Variants in NECAB1 observed in about 807,000 individuals in gnomAD.
NECAB1 encodes the protein N-terminal EF-hand calcium-binding protein 1.
Under a neutral mutation model 57.5 loss-of-function variants are expected in NECAB1, and 29 were observed. The observed-to-expected ratio is 0.50, with a 90% CI of 0.38 to 0.69. The LOEUF (loss-of-function observed/expected upper bound fraction) is 0.69. NECAB1 is among the 30% of genes least tolerant of loss of function. The pLI, the probability that NECAB1 is intolerant of heterozygous loss-of-function variation, is 0.00. For missense variants in NECAB1, 372 were observed against 413.8 expected (o/e 0.90, Z 0.88); for synonymous variants, 142 against 147.7 (o/e 0.96, Z 0.28).
chr8:90,832,765 C>T (rs1812314419), intron 3 of NECAB1, among the ~76,000 whole-genome samples: 2 of 152,042 alleles, frequency 1.3e-5, no homozygotes, highest in African/African-American at 4.8e-5. Context: ...AAATAACTTG[C>T]CCAAAGTTAC....
At chr8:90,884,684 T>C (rs1195872980) in intron 5 of NECAB1, among the ~76,000 whole-genome samples, 2 of 152,214 alleles carry the variant, frequency 1.3e-5, no homozygotes, top group African/African-American at 4.8e-5. Flanking sequence ...AAATTATCCT[T>C]GGACTTCAGA....
At chr8:90,854,069 G>C (rs13261725) in intron 3 of NECAB1, among the ~76,000 whole-genome samples, 42,656 of 151,772 alleles carry the variant, frequency 0.28, 6,965 homozygotes, top group East Asian at 0.73. Flanking sequence ...TATCTGGGAG[G>C]CCTGAAGATT....
chr8:90,887,464 C>G (rs947267338), intron 5 of NECAB1, among the ~76,000 whole-genome samples: 1 of 152,040 alleles, frequency 6.6e-6, no homozygotes, highest in South Asian at 2.1e-4. Context: ...AAAACATTAG[C>G]CTATTCTTAC....
chr8:90,904,610 T>A (rs1809590814), intron 5 of NECAB1, among the ~76,000 whole-genome samples: 1 of 151,608 alleles, frequency 6.6e-6, no homozygotes. Context: ...AGAAAAGAAG[T>A]TAAGAGACCT....
intron 3 of NECAB1, among the ~76,000 whole-genome samples, chr8:90,854,328 T>C (rs938445945): frequency 6.6e-6 from 1 of 152,172 alleles, no homozygotes; most frequent in African/African-American, 2.4e-5. Flanking sequence ...ATGTCTGTAA[T>C]TGAAGTACTC....
At chr8:90,819,390 A>C (rs1812107634) in intron 2 of NECAB1, among the ~76,000 whole-genome samples, 1 of 151,994 alleles carries the variant, frequency 6.6e-6, no homozygotes, top group South Asian at 2.1e-4. Context: ...GCCTGGCATG[A>C]TGTATCAGGT....
intron 7 of NECAB1, among the ~76,000 whole-genome samples, chr8:90,927,204 C>CTTTT (rs545020130): frequency 7.6e-6 from 1 of 131,132 alleles, no homozygotes; most frequent in African/African-American, 3.0e-5. Flanking sequence ...TTTTCTCTCT[C>CTTTT]TTTTTTTTTT....
At chr8:90,934,805 A>C (rs1178790358) in intron 9 of NECAB1, among the ~76,000 whole-genome samples, 1 of 152,134 alleles carries the variant, frequency 6.6e-6, no homozygotes, top group Non-Finnish European at 1.5e-5. Context: ...TCAAAGAATA[A>C]ATTGATGCAA....
At chr8:90,867,124 T>C (rs1336360795) in intron 3 of NECAB1, among the ~76,000 whole-genome samples, 2 of 152,216 alleles carry the variant, frequency 1.3e-5, no homozygotes, top group Non-Finnish European at 2.9e-5. Flanking sequence ...CAGAAACAGC[T>C]GAATAAAGGA....
intron 5 of NECAB1, among the ~76,000 whole-genome samples, chr8:90,902,463 A>C (rs1287433346): frequency 6.6e-6 from 1 of 152,188 alleles, no homozygotes; most frequent in Admixed American, 6.5e-5. Context: ...TTACATACGT[A>C]GAAAAGGAGT....
chr8:90,802,194 C>T (rs139957701), intron 2 of NECAB1, among the ~76,000 whole-genome samples: 6 of 152,332 alleles, frequency 3.9e-5, no homozygotes, highest in Non-Finnish European at 8.8e-5. Context: ...AGAGGTCTGC[C>T]TGGAAACCTG....
chr8:90,848,050 G>A (rs866549698), intron 3 of NECAB1, among the ~76,000 whole-genome samples: 2 of 152,170 alleles, frequency 1.3e-5, no homozygotes, highest in South Asian at 2.1e-4. Context: ...CTTTTCTATT[G>A]CATTGTCAGG....
rs62528313 is a variant in NECAB1, at chr8:90,842,151, A to G, written c.233+17326A>G. 4.8e-3 allele frequency among the ~76,000 whole-genome samples: 726 copies of G among 152,280 alleles called. 2 individuals carry two copies. The highest frequency in any genetic ancestry group is 8.1e-3 in the Non-Finnish European group (549 of 68,000). ...ACCACCATGGCACACATTTACATAT[A>G]TAACAAACCTGTATATCCTGCACAT... On this transcript the variant is annotated intron_variant, in intron 3 of 12. Coordinates refer to ENST00000417640, the MANE Select transcript of NECAB1 (RefSeq NM_022351.5).
Position 90,911,923 on chromosome 8 carries a change from G to C in NECAB1, c.358-5569G>C, listed in dbSNP as rs145259226. Reference sequence around the variant, plus strand: ...CATGCTGTATTTAATTTTAATACTTGCAACAAACTTATGATAACTATTCTT... The same window carrying C: ...CATGCTGTATTTAATTTTAATACTTCCAACAAACTTATGATAACTATTCTT... On this transcript the variant is annotated intron_variant, in intron 5 of 12. Coordinates refer to ENST00000417640, the MANE Select transcript of NECAB1 (RefSeq NM_022351.5). Among the ~76,000 whole-genome samples, 370 of 152,230 alleles carry C rather than the reference G, an allele frequency of 2.4e-3. 3 individuals are homozygous for C. Among genetic ancestry groups the C allele is most frequent in the African/African-American group, 8.4e-3 (348 of 41,540 alleles).
intron 1 of NECAB1, among the ~76,000 whole-genome samples, chr8:90,794,713 G>A (rs1163168858): frequency 1.3e-5 from 2 of 152,174 alleles, no homozygotes; most frequent in Non-Finnish European, 2.9e-5. Flanking sequence ...GCTGTTGTGA[G>A]TATGAAATAA....
intron 5 of NECAB1, among the ~76,000 whole-genome samples, chr8:90,910,846 C>T (rs1361095410): frequency 2.6e-5 from 4 of 151,894 alleles, no homozygotes; most frequent in Non-Finnish European, 5.9e-5. Flanking sequence ...AGTTCTCTTG[C>T]TCTCAGGTTT....
chr8:90,903,935 A>G lies in NECAB1; in HGVS notation c.358-13557A>G, dbSNP rs1400359910. On this transcript the variant is annotated intron_variant, in intron 5 of 12. Transcript: ENST00000417640. ...AGCACCCCGCAAGGTAAGGATTCTG[A>G]TAACAACCTTCTGCAAAAACTTGGA... 2.6e-5 allele frequency: 4 copies of G among 152,200 alleles called. No homozygotes were observed. The East Asian group carries it at 5.8e-4, about 22-fold the overall frequency. 9.4% of individuals were successfully genotyped at this position (152,200 alleles called of 1,614,324 possible).
At chr8:90,954,450 G>A (rs1026989043) in intron 12 of NECAB1, among the ~76,000 whole-genome samples, 2 of 151,932 alleles carry the variant, frequency 1.3e-5, no homozygotes, top group Admixed American at 6.6e-5. Flanking sequence ...GGTCTGTGGA[G>A]CAGAATGTCC....
intron 5 of NECAB1, among the ~76,000 whole-genome samples, chr8:90,904,899 G>C (rs962746782): frequency 6.6e-6 from 1 of 152,058 alleles, no homozygotes; most frequent in Non-Finnish European, 1.5e-5. Flanking sequence ...AAACAAAAGA[G>C]TTAAATTCTG....
Sources: gnomAD v4.1 joint callset for allele counts (sites outside exome capture counted in the v4.1 genomes callset) on GRCh38, gnomAD v4.1.1 for gene constraint, MANE v1.5 for transcripts, NCBI Gene and HGNC (gene_info 2026-07-23, HGNC 2026-07-21) for gene names.